Variants in UIMC1 observed in about 807,000 individuals in gnomAD.
UIMC1 encodes the protein BRCA1-A complex subunit RAP80.
UIMC1 carries 42 observed loss-of-function variants against 84.9 expected under a neutral mutation model. The ratio of observed to expected loss-of-function variants is 0.49; its 90% CI spans 0.39 to 0.64. UIMC1 has a LOEUF of 0.64. Among genes scored for constraint, UIMC1 ranks in the 30% least tolerant of loss-of-function variants. UIMC1 has a pLI of 0.00. For synonymous variants in UIMC1, 281 were observed against 293.0 expected (o/e 0.96, Z 0.42); for missense variants, 825 against 847.6 (o/e 0.97, Z 0.33).
intron 1 of UIMC1, among the ~76,000 whole-genome samples, chr5:176,992,364 C>G (rs1265198828): frequency 6.6e-6 from 1 of 151,740 alleles, no homozygotes; most frequent in Non-Finnish European, 1.5e-5. Context: ...GTGGCACATG[C>G]CTGTAATCCC....
rs779796802 is a variant in UIMC1, at chr5:176,969,699, C to A, written c.365G>T (p.Arg122Leu). The A allele has an allele frequency of 6.2e-7, 1 of 1,613,956 alleles. No individual in the cohort carries two copies. Among genetic ancestry groups the A allele is most frequent in the East Asian group, 2.2e-5 (1 of 44,874 alleles). Reference protein sequence around the residue: ...KAIAESLNSCRPSDASATRSR... With the variant: ...KAIAESLNSCLPSDASATRSR... ...TCTGGTAGCGGAAGCATCAGAAGGC[C>A]GGCAACTCTGAAACAAGTGATCCCA... The change falls in exon 5 of 15, where the codon CGG becomes CTG. Residue 122 changes from arginine to leucine, a missense_variant. By Grantham distance (102) the Arg-to-Leu change is moderately radical (BLOSUM62 -2). Transcript: ENST00000511320.
At chr5:176,931,896 C>T (rs1561766655) in intron 10 of UIMC1, among the ~76,000 whole-genome samples, 1 of 152,050 alleles carries the variant, frequency 6.6e-6, no homozygotes, top group Non-Finnish European at 1.5e-5. Flanking sequence ...CTGCTTAAAC[C>T]GAGGAGGCAG....
At chr5:177,021,955 C>G (rs1035673695) in intron 1 of UIMC1, among the ~76,000 whole-genome samples, 1 of 152,044 alleles carries the variant, frequency 6.6e-6, no homozygotes, top group Non-Finnish European at 1.5e-5. Flanking sequence ...CCTGGCCGGA[C>G]TTTGGCTTTT....
chr5:176,966,346 A>G (rs894719309), intron 6 of UIMC1, among the ~76,000 whole-genome samples: 1 of 152,234 alleles, frequency 6.6e-6, no homozygotes, highest in African/African-American at 2.4e-5. Context: ...CAAAGAGGTT[A>G]AGTGACTTGC....
At chr5:176,968,444 T>C in intron 6 of UIMC1, 111 bp downstream of exon 6, 3 of 1,399,082 alleles carry the variant, frequency 2.1e-6, no homozygotes, top group South Asian at 1.4e-5. Context: ...ATAGTGAACA[T>C]GTATTACTTT....
At chr5:176,937,413 T>A (rs768563879) in intron 10 of UIMC1, among the ~76,000 whole-genome samples, 4 of 152,124 alleles carry the variant, frequency 2.6e-5, no homozygotes, top group Non-Finnish European at 4.4e-5. Context: ...GAGAATGGCA[T>A]GAACCTGGAG....
chr5:176,948,544 T>C (rs917214229), intron 9 of UIMC1, among the ~76,000 whole-genome samples: 3 of 152,216 alleles, frequency 2.0e-5, no homozygotes, highest in South Asian at 4.1e-4. Flanking sequence ...TAGGAATCCA[T>C]CATTACCTTT....
chr5:176,932,294 A>G (rs142083036), intron 10 of UIMC1, among the ~76,000 whole-genome samples: 1,634 of 152,336 alleles, frequency 0.011, 10 homozygotes, highest in South Asian at 0.025. Context: ...ATGTCTTTGC[A>G]TTTTGTTTTA....
At chr5:176,985,414 C>A (rs1305530977) in intron 1 of UIMC1, among the ~76,000 whole-genome samples, 2 of 150,636 alleles carry the variant, frequency 1.3e-5, no homozygotes, top group African/African-American at 4.9e-5. Flanking sequence ...TGAGATCGCA[C>A]CACTGCATTC....
At chr5:176,988,679 ATTTTTTTT>A (rs377752493) in intron 1 of UIMC1, among the ~76,000 whole-genome samples, 2 of 135,784 alleles carry the variant, frequency 1.5e-5, no homozygotes, top group East Asian at 2.1e-4. Context: ...TGTTAGGTGA[ATTTTTTTT>A]TTTTTTTTTT....
At chr5:176,974,813 C>CAAA in intron 3 of UIMC1, among the ~76,000 whole-genome samples, 1 of 142,774 alleles carries the variant, frequency 7.0e-6, no homozygotes, top group East Asian at 2.0e-4. Flanking sequence ...TGCTCCGTCT[C>CAAA]AAAAAAAAAA....
intron 9 of UIMC1, among the ~76,000 whole-genome samples, chr5:176,946,468 C>A (rs1283528241): frequency 6.6e-6 from 1 of 150,728 alleles, no homozygotes; most frequent in Non-Finnish European, 1.5e-5. Flanking sequence ...GCCGAGATCC[C>A]GCCACTGCAC....
chr5:176,953,931 A>T (rs1331757856), intron 8 of UIMC1, among the ~76,000 whole-genome samples: 1 of 152,174 alleles, frequency 6.6e-6, no homozygotes, highest in African/African-American at 2.4e-5. Context: ...CAGATAATTT[A>T]TATATATAAC....
intron 1 of UIMC1, among the ~76,000 whole-genome samples, chr5:176,993,772 C>G (rs1197552442): frequency 6.6e-6 from 1 of 152,040 alleles, no homozygotes; most frequent in Non-Finnish European, 1.5e-5. Context: ...CATTGGGAGG[C>G]TGAGGCAGGA....
At chr5:176,961,922 G>A (rs1233873598) in intron 6 of UIMC1, among the ~76,000 whole-genome samples, 8 of 62,030 alleles carry the variant, frequency 1.3e-4, no homozygotes, top group African/African-American at 3.5e-4. Flanking sequence ...CCGGCCAGCC[G>A]CCCCGTCCGG....
At chr5:176,947,104 C>T (rs7710303) in intron 9 of UIMC1, among the ~76,000 whole-genome samples, 5,056 of 152,192 alleles carry the variant, frequency 0.033, 306 homozygotes, top group African/African-American at 0.11. Context: ...TTAATGTATT[C>T]AAGAGGGAGT....
intron 1 of UIMC1, among the ~76,000 whole-genome samples, chr5:176,987,496 TA>T (rs1772206409): frequency 6.6e-6 from 1 of 150,636 alleles, no homozygotes; most frequent in African/African-American, 2.4e-5. Context: ...AAAATAAAAA[TA>T]AAAAAACTAG....
chr5:176,941,187 T>G (rs1764375091), intron 10 of UIMC1, among the ~76,000 whole-genome samples: 1 of 152,208 alleles, frequency 6.6e-6, no homozygotes, highest in African/African-American at 2.4e-5. Context: ...AGAAATATTT[T>G]TATAAATAAC....
At chr5:176,909,837 GTT>G (rs1759884696) in intron 11 of UIMC1, among the ~76,000 whole-genome samples, 1 of 152,168 alleles carries the variant, frequency 6.6e-6, no homozygotes, top group African/African-American at 2.4e-5. Context: ...AGAGGCAGGA[GTT>G]TCAGAGTTGG....
Sources: allele counts gnomAD v4.1 joint callset (sites outside exome capture counted in the v4.1 genomes callset), GRCh38; gene constraint gnomAD v4.1.1; transcripts MANE v1.5; gene names NCBI Gene and HGNC (gene_info 2026-07-23, HGNC 2026-07-21).